The following TOM1L2 variants were observed in gnomAD, a reference collection of about 807,000 sequenced individuals.
The protein encoded by TOM1L2 is target of myb1 like 2 membrane trafficking protein, also known as TOM1-like protein 2.
A neutral mutation model predicts 67.9 loss-of-function variants in TOM1L2; 31 were observed. That is an observed-to-expected ratio of 0.46 (90% CI 0.34 to 0.62). The LOEUF (loss-of-function observed/expected upper bound fraction) is 0.62. TOM1L2 is among the 20% of genes least tolerant of loss of function. The pLI is 0.01. For synonymous variants in TOM1L2, 256 were observed against 254.0 expected (o/e 1.01, Z -0.07); for missense variants, 606 against 663.5 (o/e 0.91, Z 0.95).
intron 1 of TOM1L2, among the ~76,000 whole-genome samples, chr17:17,915,833 C>T (rs1198841413): frequency 7.1e-6 from 1 of 140,218 alleles, no homozygotes; most frequent in Non-Finnish European, 1.5e-5. Flanking sequence ...CATTTTTAAA[C>T]TGAGTAGGTT....
chr17:17,877,782 G>C (rs1343324332), intron 7 of TOM1L2, among the ~76,000 whole-genome samples: 2 of 151,992 alleles, frequency 1.3e-5, no homozygotes, highest in African/African-American at 4.8e-5. Flanking sequence ...ACAAAACAGA[G>C]GGAAGGAAAA....
chr17:17,869,757 A>AT, intron 7 of TOM1L2: 1 of 1,033,164 alleles, frequency 9.7e-7, no homozygotes, highest in Non-Finnish European at 1.2e-6. Context: ...TTAAAATGTG[A>AT]TTCTTTCCAG....
intron 1 of TOM1L2, among the ~76,000 whole-genome samples, chr17:17,947,305 T>C (rs914889510): frequency 2.0e-5 from 3 of 152,210 alleles, no homozygotes; most frequent in Non-Finnish European, 4.4e-5. Flanking sequence ...ATTATAGACA[T>C]GAGCCACCGT....
intron 2 of TOM1L2, among the ~76,000 whole-genome samples, chr17:17,903,315 G>A (rs1463163875): frequency 1.3e-5 from 2 of 152,158 alleles, no homozygotes; most frequent in East Asian, 3.8e-4. Flanking sequence ...ATTGTGCTAG[G>A]TGCTAGGGAC....
Position 17,967,640 on chromosome 17 carries a change from T to C in TOM1L2, c.52+4622A>G, listed in dbSNP as rs112029189. 1.3e-3 allele frequency among the ~76,000 whole-genome samples: 193 copies of C among 152,336 alleles called. 1 individual carries two copies. The highest frequency in any genetic ancestry group is 4.4e-3 in the African/African-American group (182 of 41,574). On this transcript the variant is annotated intron_variant, in intron 1 of 14. Coordinates refer to ENST00000379504, the MANE Select transcript of TOM1L2 (RefSeq NM_001082968.2). ...TTCTTTTTTGGAGATGCAGTCTCGC[T>C]CTGTCATTCAGGCTGGAGTGCAAAT...
intron 12 of TOM1L2, chr17:17,859,236 C>G (rs1178027913): frequency 1.3e-5 from 2 of 151,948 alleles, no homozygotes; most frequent in Admixed American, 1.3e-4. Context: ...CCACCATGCC[C>G]AGCTAATTTT....
chr17:17,907,049 C>T (rs961860445), intron 2 of TOM1L2, among the ~76,000 whole-genome samples: 4 of 152,228 alleles, frequency 2.6e-5, no homozygotes, highest in Non-Finnish European at 4.4e-5. Context: ...TCCATGGACA[C>T]GGTGGTGCTC....
chr17:17,959,369 A>T (rs903261610), intron 1 of TOM1L2, among the ~76,000 whole-genome samples: 1 of 152,188 alleles, frequency 6.6e-6, no homozygotes, highest in Non-Finnish European at 1.5e-5. Context: ...ACAACAAAAA[A>T]ATCCCTGCAC....
intron 4 of TOM1L2, among the ~76,000 whole-genome samples, chr17:17,892,834 T>G (rs2038362016): frequency 6.6e-6 from 1 of 152,194 alleles, no homozygotes; most frequent in Non-Finnish European, 1.5e-5. Context: ...AGACCTAATC[T>G]TGATGTCCAC....
At chr17:17,924,244 T>C (rs1056732296) in intron 1 of TOM1L2, among the ~76,000 whole-genome samples, 1 of 152,198 alleles carries the variant, frequency 6.6e-6, no homozygotes, top group African/African-American at 2.4e-5. Flanking sequence ...GATTAGTGAT[T>C]GCCTGGGGTT....
intron 1 of TOM1L2, among the ~76,000 whole-genome samples, chr17:17,911,177 C>T (rs917457554): frequency 5.3e-5 from 8 of 152,232 alleles, no homozygotes; most frequent in Admixed American, 2.0e-4. Flanking sequence ...GGCTTCAGGG[C>T]ATCCTGGCCT....
intron 3 of TOM1L2, among the ~76,000 whole-genome samples, chr17:17,898,204 G>A (rs1361023447): frequency 6.6e-6 from 1 of 152,120 alleles, no homozygotes; most frequent in Non-Finnish European, 1.5e-5. Flanking sequence ...GATTACAGGT[G>A]TGAGTCACCG....
intron 3 of TOM1L2, among the ~76,000 whole-genome samples, chr17:17,898,180 T>C (rs2038671276): frequency 2.0e-5 from 3 of 152,068 alleles, no homozygotes; most frequent in Non-Finnish European, 4.4e-5. Context: ...CGCTTCAGCC[T>C]CCCAAAGTGC....
chr17:17,897,037 T>A (rs1598289314), intron 3 of TOM1L2, among the ~76,000 whole-genome samples: 1 of 152,106 alleles, frequency 6.6e-6, no homozygotes, highest in Non-Finnish European at 1.5e-5. Context: ...CAAGGAAAGG[T>A]CAAACAGTGT....
At chr17:17,953,980 AT>A (rs1205990255) in intron 1 of TOM1L2, among the ~76,000 whole-genome samples, 2 of 152,238 alleles carry the variant, frequency 1.3e-5, no homozygotes, top group African/African-American at 4.8e-5. Context: ...AGCATTGTTC[AT>A]CTTTGAATTC....
At chr17:17,934,327 G>A (rs2040437660) in intron 1 of TOM1L2, among the ~76,000 whole-genome samples, 1 of 152,114 alleles carries the variant, frequency 6.6e-6, no homozygotes, top group Non-Finnish European at 1.5e-5. Flanking sequence ...TGCTCCTGTA[G>A]TCTCAGCTAC....
intron 1 of TOM1L2, among the ~76,000 whole-genome samples, chr17:17,968,097 A>G (rs1361887488): frequency 6.6e-6 from 1 of 152,208 alleles, no homozygotes; most frequent in Admixed American, 6.5e-5. Context: ...CACGCATAAG[A>G]CAGAGTAAGA....
At chr17:17,877,441 TG>T (rs1457238294) in intron 7 of TOM1L2, among the ~76,000 whole-genome samples, 2 of 152,216 alleles carry the variant, frequency 1.3e-5, no homozygotes, top group African/African-American at 4.8e-5. Flanking sequence ...TGGAGGGTCC[TG>T]GGGACACATT....
chr17:17,927,387 G>A (rs1485498460), intron 1 of TOM1L2, among the ~76,000 whole-genome samples: 1 of 152,158 alleles, frequency 6.6e-6, no homozygotes, highest in Non-Finnish European at 1.5e-5. Flanking sequence ...GCTGTGGAGA[G>A]AGGCCTCTCT....
Sources: allele counts gnomAD v4.1 joint callset (sites outside exome capture counted in the v4.1 genomes callset), GRCh38; gene constraint gnomAD v4.1.1; transcripts MANE v1.5; gene names NCBI Gene and HGNC (gene_info 2026-07-23, HGNC 2026-07-21).